DMD: variants seen among roughly 807,000 people sequenced by gnomAD.
DMD encodes dystrophin.
Under a neutral mutation model 330.1 loss-of-function variants are expected in DMD, and 63 were observed. The ratio of observed to expected loss-of-function variants is 0.19; its 90% CI spans 0.16 to 0.24. The LOEUF is 0.24. Among genes scored for constraint, DMD ranks in the 10% least tolerant of loss-of-function variants. The pLI is 1.00. For missense variants in DMD, 3,344 were observed against 2,684.1 expected (o/e 1.25, Z -5.43); for synonymous variants, 1,223 against 959.8 (o/e 1.27, Z -5.07).
intron 16 of DMD, among the ~76,000 whole-genome samples, chrX:32,562,687 G>A (rs1023336504): frequency 3.2e-4 from 36 of 112,336 alleles, no homozygotes; most frequent in African/African-American, 1.0e-3. Context: ...CAACCTTACA[G>A]CTCATATTCT....
chrX:32,259,148 C>T (rs186447215), intron 43 of DMD, among the ~76,000 whole-genome samples: 1 of 109,719 alleles, frequency 9.1e-6, no homozygotes, highest in East Asian at 2.9e-4. Context: ...AGTGTAGCTT[C>T]TGCTTGGCAT....
rs1376908893 is a variant in DMD at position 32,716,117 on chromosome X, T to C, written c.650-16824A>G. 7.2e-5 allele frequency among the ~76,000 whole-genome samples: 8 copies of C among 111,641 alleles called. No homozygotes were observed. The East Asian group carries it at 2.3e-3, about 32-fold the overall frequency. ...TTCTCCAGAAAAATACTGAACAGCG[T>C]CAATACAGAGGAGGAATATTCTTGT... On this transcript the variant is annotated intron_variant, in intron 7 of 78. Transcript: ENST00000357033.
intron 42 of DMD, among the ~76,000 whole-genome samples, chrX:32,296,222 C>A (rs1174678332): frequency 9.1e-6 from 1 of 110,003 alleles, no homozygotes; most frequent in Admixed American, 9.7e-5. Context: ...GAAACCCTGT[C>A]TCTACTAAAA....
chrX:31,367,991 G>A (rs899467551), intron 60 of DMD, among the ~76,000 whole-genome samples: 1 of 112,109 alleles, frequency 8.9e-6, no homozygotes, highest in African/African-American at 3.2e-5. Flanking sequence ...TCTGGTGCTT[G>A]CATCACATCT....
Position 32,874,052 on chromosome X carries a change from C to T in DMD, c.94-24232G>A, listed in dbSNP as rs950432717. Among the ~76,000 whole-genome samples, 10 of 112,003 alleles carry T rather than the reference C, an allele frequency of 8.9e-5. 1 individual carries two copies. The highest frequency in any genetic ancestry group is 1.9e-4 in the Admixed American group (2 of 10,568). On this transcript the variant is annotated intron_variant, in intron 2 of 78. Coordinates refer to ENST00000357033, the MANE Select transcript of DMD (RefSeq NM_004006.3). ...ATTTCTAACAAAACCTCAACTGGTGCTCCTAGATTGCAGACCATAATTTGA... is the reference window on the plus strand; with the variant it reads ...ATTTCTAACAAAACCTCAACTGGTGTTCCTAGATTGCAGACCATAATTTGA...
At chrX:32,754,979 T>G (rs982965391) in intron 7 of DMD, 2 of 111,456 alleles carry the variant, frequency 1.8e-5, no homozygotes, top group African/African-American at 6.5e-5. Context: ...TCTGGCTCCT[T>G]TACATGTCAG....
At chrX:33,006,037 C>A (rs1181346096) in intron 2 of DMD, among the ~76,000 whole-genome samples, 1 of 111,050 alleles carries the variant, frequency 9.0e-6, no homozygotes, top group Admixed American at 9.6e-5. Flanking sequence ...AGGAATAAAT[C>A]TAAAAAATAT....
chrX:31,339,186 T>C (rs2057583193), intron 61 of DMD, among the ~76,000 whole-genome samples: 1 of 111,407 alleles, frequency 9.0e-6, no homozygotes, highest in Non-Finnish European at 1.9e-5. Flanking sequence ...TGATGGGATA[T>C]ATAGGGCCAA....
chrX:31,367,554 T>C (rs780710362), intron 60 of DMD, among the ~76,000 whole-genome samples: 34 of 111,746 alleles, frequency 3.0e-4, no homozygotes, highest in Middle Eastern at 4.6e-3. Flanking sequence ...GACCACCTAC[T>C]ATTCTTTGCT....
chrX:32,933,265 A>C (rs12559400), intron 2 of DMD, among the ~76,000 whole-genome samples: 2,596 of 111,885 alleles, frequency 0.023, 79 homozygotes, highest in East Asian at 0.19. Context: ...ATGAATTTAT[A>C]TTTTGGCTCA....
chrX:31,980,645 T>C (rs1195706200), intron 44 of DMD, among the ~76,000 whole-genome samples: 1 of 111,512 alleles, frequency 9.0e-6, no homozygotes, highest in Non-Finnish European at 1.9e-5. Context: ...TTAATATCTT[T>C]ACTAACTTAT....
chrX:31,508,276 G>T lies in DMD; in HGVS notation c.8218-823C>A, dbSNP rs1468145360. The T allele has an allele frequency of 3.3e-6, 4 of 1,197,702 alleles. No homozygotes were observed. In the South Asian group the frequency reaches 7.4e-5, roughly 22 times the overall value. On this transcript the variant is annotated intron_variant, in intron 55 of 78. Coordinates refer to ENST00000357033, the MANE Select transcript of DMD (RefSeq NM_004006.3). ...CGGGCACTACAGCACTGATCCTGTT[G>T]CATAGCAATCCTGAGAAAACCCAGA...
rs372484335 is a variant in DMD, at chrX:32,411,702, T to G, written c.4233+50A>C. On this transcript the variant is annotated intron_variant, in intron 30 of 78. Coordinates refer to ENST00000357033, the MANE Select transcript of DMD (RefSeq NM_004006.3). ...AAGTTAGAAACACTGCAACATTTTG[T>G]TGAAGTAATAAAAACAAAAGAATGG... The G allele has an allele frequency of 1.3e-5, 15 of 1,180,645 alleles. No individual in the cohort carries two copies. In the East Asian group the frequency reaches 2.4e-4, roughly 19 times the overall value.
In DMD at chrX:32,509,380, C is replaced by G. The variant is rs987597561; in HGVS notation, c.2293-7538G>C. ...TCACAGAAATATACATTAAAAAGCA[C>G]AGAAAAGCACAAAAACCAAAAACAA... is the stretch of plus-strand genomic sequence containing the variant. On this transcript the variant is annotated intron_variant, in intron 18 of 78. Coordinates refer to ENST00000357033, the MANE Select transcript of DMD (RefSeq NM_004006.3). 6.3e-5 allele frequency among the ~76,000 whole-genome samples: 7 copies of G among 110,490 alleles called. No individual in the cohort carries two copies. The Admixed American group carries it at 6.8e-4, about 11-fold the overall frequency.
At chrX:32,381,102 A>T (rs2097923019) in intron 33 of DMD, among the ~76,000 whole-genome samples, 2 of 111,698 alleles carry the variant, frequency 1.8e-5, no homozygotes, top group South Asian at 7.4e-4. Context: ...GCTGGTAAGG[A>T]ATCAAAATGA....
intron 55 of DMD, among the ~76,000 whole-genome samples, chrX:31,538,184 T>A (rs1218201819): frequency 8.9e-6 from 1 of 112,216 alleles, no homozygotes; most frequent in Non-Finnish European, 1.9e-5. Context: ...GCTGAGAGGA[T>A]CTTTCTTCCC....
chrX:31,411,011 CT>C (rs2061621758), intron 60 of DMD, among the ~76,000 whole-genome samples: 1 of 106,982 alleles, frequency 9.3e-6, no homozygotes, highest in African/African-American at 3.4e-5. Flanking sequence ...AGTGATCCCC[CT>C]GCTTCGGCCT....
chrX:31,628,473 T>C (rs766609137), intron 54 of DMD, among the ~76,000 whole-genome samples: 2 of 111,955 alleles, frequency 1.8e-5, no homozygotes, highest in South Asian at 7.4e-4. Flanking sequence ...TAACATTTCA[T>C]AGAAACTATC....
At chrX:31,683,336 C>G (rs894099273) in intron 52 of DMD, among the ~76,000 whole-genome samples, 3 of 112,004 alleles carry the variant, frequency 2.7e-5, no homozygotes, top group Admixed American at 9.5e-5. Flanking sequence ...TACCTGGCTT[C>G]TGGTTTAGGT....
Sources: allele counts gnomAD v4.1 joint callset (sites outside exome capture counted in the v4.1 genomes callset), GRCh38; gene constraint gnomAD v4.1.1; transcripts MANE v1.5; gene names NCBI Gene and HGNC (gene_info 2026-07-23, HGNC 2026-07-21).